TECTA: variants seen among roughly 807,000 people sequenced by gnomAD.
The protein encoded by TECTA is alpha-tectorin.
A neutral mutation model predicts 216.8 loss-of-function variants in TECTA; 128 were observed. That is an observed-to-expected ratio of 0.59 (90% CI 0.51 to 0.68). The LOEUF is 0.68. Among genes scored for constraint, TECTA ranks in the 30% least tolerant of loss-of-function variants. The pLI, the probability that TECTA is intolerant of heterozygous loss-of-function variation, is 0.00. For missense variants in TECTA, 2,551 were observed against 2,786.2 expected (o/e 0.92, Z 1.90); for synonymous variants, 1,089 against 1,117.1 (o/e 0.97, Z 0.50).
intron 16 of TECTA, among the ~76,000 whole-genome samples, chr11:121,164,410 A>T (rs962228991): frequency 6.6e-6 from 1 of 152,212 alleles, no homozygotes; most frequent in Admixed American, 6.5e-5. Context: ...ACTGTGATGA[A>T]CAGGAGGAAT....
At position 121,127,813 on chromosome 11, in the gene TECTA, C is replaced by G; in HGVS notation, c.1836C>G (p.Asp612Glu). The part of the protein sequence containing the change: ...HYSVCTSSCP[D>E]TCSDLTASRN... ...CCGTGTGCACAAGCAGCTGCCCCGA[C>G]ACATGCTCCGACCTGACGGCCTCGC... is the stretch of plus-strand genomic sequence containing the variant. The change falls in exon 9 of 24, where the codon GAC becomes GAG. Residue 612 changes from aspartate to glutamate, a missense_variant. By Grantham distance (45) the Asp-to-Glu change is conservative. Coordinates refer to ENST00000392793, the MANE Select transcript of TECTA (RefSeq NM_005422.4). This position sits in a 1 kb window ranked among gnomAD's most constrained non-coding sequence, Gnocchi z 5.0. 2 of 1,614,220 alleles carry G rather than the reference C, an allele frequency of 1.2e-6. No individual in the cohort carries two copies. The highest frequency in any genetic ancestry group is 2.2e-5 in the South Asian group (2 of 91,090).
In TECTA at chr11:121,187,954, C is replaced by T; in HGVS notation, c.6122C>T (p.Ala2041Val). The T allele has an allele frequency of 6.2e-7, 1 of 1,614,242 alleles. No homozygotes were observed. Among genetic ancestry groups the T allele is most frequent in the Non-Finnish European group, 8.5e-7 (1 of 1,180,034 alleles). Residue 2041 changes from alanine (A) to valine (V), a missense_variant, in exon 21 of 24, where the codon GCA becomes GTA. Physicochemically the swap from Ala to Val is moderately conservative, Grantham distance 64 (BLOSUM62 0). This residue lies in a region of TECTA where 58 missense variants were observed against 105.9 expected (regional missense o/e 0.55). Transcript: ENST00000392793. ...TACGACGAAGTTCACCTTCACTGTG[C>T]AGTGTCACTCTGCGACTCAGAAAAG... ...GDYDEVHLHC[A>V]VSLCDSEKYS...
intron 20 of TECTA, among the ~76,000 whole-genome samples, chr11:121,175,442 C>A (rs879447423): frequency 1.3e-5 from 2 of 152,112 alleles, no homozygotes; most frequent in African/African-American, 4.8e-5. Flanking sequence ...GCCTTCATTT[C>A]GTTTTGTACC....
chr11:121,108,267 A>G (rs572294794), intron 3 of TECTA, among the ~76,000 whole-genome samples: 2 of 151,922 alleles, frequency 1.3e-5, no homozygotes, highest in Admixed American at 1.3e-4. Context: ...ACATACACGC[A>G]TGCCACCCCC....
Position 121,105,740 on chromosome 11 carries a change from G to A in TECTA, c.65-91G>A. 6.4e-7 allele frequency: 1 copy of A among 1,563,146 alleles called. No individual in the cohort carries two copies. The highest frequency in any genetic ancestry group is 1.1e-5 in the South Asian group (1 of 87,936). On this transcript the variant is annotated intron_variant, in intron 2 of 23. Transcript: ENST00000392793. This position sits in a 1 kb window ranked among gnomAD's most constrained non-coding sequence, Gnocchi z 5.3. ...TTGCATTCAGCTTGCAAGCCCTACT[G>A]AAAGAAGCTGGCTTCAGTAGGTAGG...
At chr11:121,108,200 G>A (rs2135053012) in intron 3 of TECTA, among the ~76,000 whole-genome samples, 1 of 151,786 alleles carries the variant, frequency 6.6e-6, no homozygotes, top group South Asian at 2.1e-4. Flanking sequence ...TGCTTATTTT[G>A]TATTAGTGAC....
intron 16 of TECTA, among the ~76,000 whole-genome samples, chr11:121,163,910 A>G (rs1947026347): frequency 6.6e-6 from 1 of 152,260 alleles, no homozygotes; most frequent in Admixed American, 6.5e-5. Flanking sequence ...GGTATTGGAC[A>G]TACTGGGCCA....
chr11:121,139,511 T>C (rs1193714068), intron 11 of TECTA, among the ~76,000 whole-genome samples: 4 of 152,034 alleles, frequency 2.6e-5, no homozygotes, highest in African/African-American at 9.7e-5. Context: ...GCCAAGATGG[T>C]GAAAGCCCGT....
chr11:121,124,248 G>A (rs1429677573), intron 7 of TECTA, among the ~76,000 whole-genome samples: 3 of 152,136 alleles, frequency 2.0e-5, no homozygotes, highest in Admixed American at 6.5e-5. Context: ...TTAGAACAGT[G>A]CCAAGTACAT....
intron 6 of TECTA, among the ~76,000 whole-genome samples, chr11:121,114,637 C>T (rs1489714024): frequency 8.9e-5 from 10 of 111,806 alleles, no homozygotes; most frequent in East Asian, 2.8e-4. Context: ...ACCCACCCAT[C>T]CACCCACCCA....
rs548713832 is a variant in TECTA at position 121,177,684 on chromosome 11, G to A, written c.5999+8759G>A. ...TTCTCAGATCTCCAGCTGCGTGCTG[G>A]GAGAACCACTGCTCCCTTCAAAGAT... On this transcript the variant is annotated intron_variant, in intron 20 of 23. Transcript: ENST00000392793. Among the ~76,000 whole-genome samples the A allele has an allele frequency of 4.6e-5, 7 of 152,298 alleles. No individual in the cohort carries two copies. In the East Asian group the frequency reaches 1.4e-3, roughly 29 times the overall value.
At chr11:121,112,526 T>G (rs1476245576) in intron 4 of TECTA, among the ~76,000 whole-genome samples, 1 of 152,180 alleles carries the variant, frequency 6.6e-6, no homozygotes, top group Non-Finnish European at 1.5e-5. Flanking sequence ...CCCCAGAAAG[T>G]GCTTTTTAAA....
At chr11:121,146,176 G>C in intron 12 of TECTA, 60 bp downstream of exon 12, 2 of 1,588,294 alleles carry the variant, frequency 1.3e-6, no homozygotes, top group Non-Finnish European at 1.7e-6. Flanking sequence ...GCTCTGGGAA[G>C]GCCAGTCTTC....
At chr11:121,155,858 C>T (rs1166861425) in intron 13 of TECTA, among the ~76,000 whole-genome samples, 1 of 152,104 alleles carries the variant, frequency 6.6e-6, no homozygotes, top group East Asian at 1.9e-4. Flanking sequence ...AGAATGCAAA[C>T]CCTACCAAGC....
chr11:121,125,898 C>G (rs778247666), intron 8 of TECTA, 26 bp downstream of exon 8: 2 of 1,601,028 alleles, frequency 1.2e-6, no homozygotes, highest in African/African-American at 1.3e-5. Context: ...ATCCCCATGA[C>G]AGGTCTCTCT....
intron 15 of TECTA, among the ~76,000 whole-genome samples, chr11:121,160,974 G>T (rs1034113845): frequency 1.3e-5 from 2 of 152,208 alleles, no homozygotes; most frequent in African/African-American, 4.8e-5. Context: ...TTATTCCAAA[G>T]GTTTTAAATT....
At chr11:121,121,708 G>A (rs886901856) in intron 7 of TECTA, among the ~76,000 whole-genome samples, 1 of 152,170 alleles carries the variant, frequency 6.6e-6, no homozygotes, top group African/African-American at 2.4e-5. Context: ...ATGGTGGGGG[G>A]ACTGTAGAAA....
chr11:121,151,797 AT>A (rs1946892480), intron 12 of TECTA, among the ~76,000 whole-genome samples: 1 of 152,250 alleles, frequency 6.6e-6, no homozygotes, highest in African/African-American at 2.4e-5. Flanking sequence ...CCGCTATATA[AT>A]TTAAAAAATG....
intron 22 of TECTA, 23 bp from the exon 23 acceptor site, chr11:121,189,741 T>A (rs1291087530): frequency 1.9e-6 from 3 of 1,603,542 alleles, no homozygotes; most frequent in Non-Finnish European, 2.6e-6. Flanking sequence ...CTGTAGTTAA[T>A]CTTCCTAACT....
Sources: allele counts gnomAD v4.1 joint callset (sites outside exome capture counted in the v4.1 genomes callset), GRCh38; gene constraint gnomAD v4.1.1; regional missense constraint gnomAD v4.1.1; non-coding constraint Gnocchi (gnomAD v3.1); transcripts MANE v1.5; gene names NCBI Gene and HGNC (gene_info 2026-07-23, HGNC 2026-07-21).